Variants in KHDRBS3 observed in about 807,000 individuals in gnomAD.
The protein encoded by KHDRBS3 is KH RNA binding domain containing, signal transduction associated 3, also known as KH domain-containing, RNA-binding, signal transduction-associated protein 3.
KHDRBS3 carries 23 observed loss-of-function variants against 45.6 expected under a neutral mutation model. The ratio of observed to expected loss-of-function variants is 0.50; its 90% CI spans 0.36 to 0.72. KHDRBS3 has a LOEUF of 0.72. KHDRBS3 is among the 30% of genes least tolerant of loss of function. The pLI is 0.00. For missense variants in KHDRBS3, 352 were observed against 424.8 expected (o/e 0.83, Z 1.51); for synonymous variants, 162 against 156.5 (o/e 1.04, Z -0.26).
chr8:135,616,994 T>A (rs1403435706), intron 7 of KHDRBS3, among the ~76,000 whole-genome samples: 1 of 152,062 alleles, frequency 6.6e-6, no homozygotes, highest in Non-Finnish European at 1.5e-5. Flanking sequence ...AGACAGTGAC[T>A]ATAAATCCAC....
intron 1 of KHDRBS3, among the ~76,000 whole-genome samples, chr8:135,480,177 T>C: frequency 6.6e-6 from 1 of 152,156 alleles, no homozygotes; most frequent in East Asian, 1.9e-4. Context: ...GCTGATAAAG[T>C]ACAATATATG....
At chr8:135,625,579 A>G in intron 7 of KHDRBS3, 1 of 955,544 alleles carries the variant, frequency 1.0e-6, no homozygotes, top group South Asian at 1.3e-5. Flanking sequence ...GAGCCACTGC[A>G]GTTTCTTGAC....
At position 135,591,187 on chromosome 8, in the gene KHDRBS3, G is replaced by A. The variant is rs576944843; in HGVS notation, c.807+9114G>A. On this transcript the variant is annotated intron_variant, in intron 6 of 8. Transcript: ENST00000355849. ...GTAGAGCTAGAATTTAAAGCCCAGC[G>A]TTCTGGCTCTAGAGCCCATGCTCCA... Among the ~76,000 whole-genome samples the A allele has an allele frequency of 9.9e-5, 15 of 152,250 alleles. No homozygotes were observed. The East Asian group carries it at 1.5e-3, about 16-fold the overall frequency.
chr8:135,618,065 T>C (rs970382008), intron 7 of KHDRBS3, among the ~76,000 whole-genome samples: 7 of 152,178 alleles, frequency 4.6e-5, no homozygotes, highest in African/African-American at 1.7e-4. Context: ...TTCAGACATG[T>C]TGTGGATCAT....
chr8:135,463,500 G>A (rs1821535989), intron 1 of KHDRBS3, among the ~76,000 whole-genome samples: 1 of 152,172 alleles, frequency 6.6e-6, no homozygotes, highest in Admixed American at 6.5e-5. Context: ...GAGATAATGA[G>A]AAGATGTTGT....
At chr8:135,569,930 GAAAAAC>G (rs111279156) in intron 5 of KHDRBS3, among the ~76,000 whole-genome samples, 9,363 of 150,708 alleles carry the variant, frequency 0.062, 436 homozygotes, top group African/African-American at 0.12. Context: ...TAAGAAGAAA[GAAAAAC>G]AAAAACAAAA....
At chr8:135,629,394 T>A (rs1222757849) in intron 7 of KHDRBS3, among the ~76,000 whole-genome samples, 1 of 152,250 alleles carries the variant, frequency 6.6e-6, no homozygotes. Context: ...AGACACTTAT[T>A]GAGCAGAAAG....
intron 1 of KHDRBS3, among the ~76,000 whole-genome samples, chr8:135,467,171 G>A (rs1008971288): frequency 3.3e-5 from 5 of 152,256 alleles, no homozygotes; most frequent in South Asian, 2.1e-4. Flanking sequence ...CAGTGGTTTC[G>A]TATTTGTTTA....
rs113911521 is a variant in KHDRBS3 at position 135,552,031 on chromosome 8, C to T, written c.471+3131C>T. ...ATGAGAAGAGTCATTAATCATTTTG[C>T]TGTTCTCCTGTGTATAATCTGTTGT... On this transcript the variant is annotated intron_variant, in intron 4 of 8. Transcript: ENST00000355849. Among the ~76,000 whole-genome samples the T allele has an allele frequency of 1.0e-3, 152 of 152,204 alleles. 1 individual carries two copies. The highest frequency in any genetic ancestry group is 3.0e-3 in the African/African-American group (125 of 41,528).
intron 1 of KHDRBS3, among the ~76,000 whole-genome samples, chr8:135,467,449 C>G (rs1293060411): frequency 2.6e-5 from 4 of 152,208 alleles, no homozygotes; most frequent in Non-Finnish European, 5.9e-5. Flanking sequence ...TTTACAGGAC[C>G]CAAGTCAAGA....
At chr8:135,576,349 C>T (rs1187498914) in intron 5 of KHDRBS3, among the ~76,000 whole-genome samples, 1 of 152,188 alleles carries the variant, frequency 6.6e-6, no homozygotes, top group East Asian at 1.9e-4. Flanking sequence ...GGTGGAATAT[C>T]TACAAAAATT....
intron 6 of KHDRBS3, among the ~76,000 whole-genome samples, chr8:135,593,556 C>A (rs1322818341): frequency 3.3e-5 from 5 of 152,146 alleles, no homozygotes; most frequent in Admixed American, 6.5e-5. Context: ...GAACTCACTG[C>A]AGTCTCAACA....
chr8:135,648,017 A>T (rs1831357946), downstream of KHDRBS3: 1 of 152,180 alleles, frequency 6.6e-6, no homozygotes, highest in African/African-American at 2.4e-5. Flanking sequence ...TCCATGCTGG[A>T]AGCACTAAGC....
chr8:135,603,755 T>C (rs1477145969), intron 6 of KHDRBS3, among the ~76,000 whole-genome samples: 1 of 152,140 alleles, frequency 6.6e-6, no homozygotes, highest in Non-Finnish European at 1.5e-5. Flanking sequence ...TTTACAAAGT[T>C]GAAAGCTTTA....
chr8:135,584,263 C>T (rs1365203132), intron 6 of KHDRBS3, among the ~76,000 whole-genome samples: 3 of 152,174 alleles, frequency 2.0e-5, no homozygotes, highest in Non-Finnish European at 2.9e-5. Flanking sequence ...CGGTCATATC[C>T]GCCAGTGTTG....
chr8:135,477,002 A>G lies in KHDRBS3; in HGVS notation c.88+19048A>G, dbSNP rs182495372. On this transcript the variant is annotated intron_variant, in intron 1 of 8. Transcript: ENST00000355849. ...GAAGAGATTATTATTTAATTTCCAT[A>G]AAATTTATTCTGAGATATTCATAAT... Among the ~76,000 whole-genome samples the G allele has an allele frequency of 9.8e-5, 15 of 152,336 alleles. No individual in the cohort carries two copies. The East Asian group carries it at 1.2e-3, about 12-fold the overall frequency.
At chr8:135,634,774 G>A (rs4909495) in intron 7 of KHDRBS3, among the ~76,000 whole-genome samples, 131,873 of 152,218 alleles carry the variant, frequency 0.87, 57,228 homozygotes, top group East Asian at 1. Context: ...AGACTAAGCA[G>A]TTGTGACATC....
chr8:135,525,042 A>G (rs1369776048), intron 2 of KHDRBS3, among the ~76,000 whole-genome samples: 3 of 152,074 alleles, frequency 2.0e-5, no homozygotes, highest in East Asian at 1.9e-4. Flanking sequence ...GGAGTCTTTT[A>G]TCTTGATGAA....
intron 1 of KHDRBS3, among the ~76,000 whole-genome samples, chr8:135,481,223 GATATAT>G (rs10529846): frequency 1.3e-5 from 1 of 77,406 alleles, no homozygotes; most frequent in Non-Finnish European, 2.5e-5. Context: ...TGAAAGCCAC[GATATAT>G]ATATATATAT....
Sources: allele counts gnomAD v4.1 joint callset (sites outside exome capture counted in the v4.1 genomes callset), GRCh38; gene constraint gnomAD v4.1.1; transcripts MANE v1.5; gene names NCBI Gene and HGNC (gene_info 2026-07-23, HGNC 2026-07-21).